TRIM33: variants seen among roughly 807,000 people sequenced by gnomAD.
The protein encoded by TRIM33 is E3 ubiquitin-protein ligase TRIM33.
Under a neutral mutation model 125.4 loss-of-function variants are expected in TRIM33, and 20 were observed. The ratio of observed to expected loss-of-function variants is 0.16; its 90% CI spans 0.11 to 0.23. The LOEUF (loss-of-function observed/expected upper bound fraction) is 0.23, where lower values mean the gene tolerates loss of function less well. Ranked by LOEUF, TRIM33 falls within the 10% of genes least tolerant of loss-of-function variation. The pLI, the probability that TRIM33 is intolerant of heterozygous loss-of-function variation, is 1.00. For missense variants in TRIM33, 920 were observed against 1,411.4 expected (o/e 0.65, Z 5.58); for synonymous variants, 564 against 513.9 (o/e 1.10, Z -1.32).
chr1:114,433,628 C>T lies in TRIM33; in HGVS notation c.1029G>A (p.Gln343=), dbSNP rs775641525. The T allele has an allele frequency of 1.9e-6, 3 of 1,605,818 alleles. No individual in the cohort carries two copies. In the South Asian group the frequency reaches 3.3e-5, roughly 18 times the overall value. The change falls in exon 5 of 20, where the codon CAG becomes CAA. Residue 343 remains glutamine, a synonymous_variant. Coordinates refer to ENST00000358465, the MANE Select transcript of TRIM33 (RefSeq NM_015906.4). ...KKNYVHFAAT[Q]VQNRIKEVNE... Reference sequence around the variant, plus strand: ...GGCAACAAACTTACCTATTCTGCACCTGAGTAGCTGCAAAATGAACATAAT... The same window carrying T: ...GGCAACAAACTTACCTATTCTGCACTTGAGTAGCTGCAAAATGAACATAAT...
chr1:114,463,039 G>A, intron 4 of TRIM33, 65 bp downstream of exon 4: 1 of 1,212,898 alleles, frequency 8.2e-7, no homozygotes, highest in Non-Finnish European at 1.1e-6. Flanking sequence ...TTTGCTTTAA[G>A]AAGAAGAATG....
chr1:114,468,409 A>T, intron 1 of TRIM33: 1 of 354,486 alleles, frequency 2.8e-6, no homozygotes. Flanking sequence ...GGGGATACCC[A>T]AACAGAGGAG....
intron 1 of TRIM33, chr1:114,468,720 G>A (rs770489203): frequency 4.9e-4 from 215 of 437,072 alleles, no homozygotes; most frequent in Middle Eastern, 7.7e-4. Flanking sequence ...GTTCCCAGAT[G>A]AGGATGAAAT....
intron 4 of TRIM33, among the ~76,000 whole-genome samples, chr1:114,446,963 C>T (rs1445230539): frequency 2.0e-5 from 3 of 152,060 alleles, no homozygotes; most frequent in Non-Finnish European, 4.4e-5. Flanking sequence ...ATTGCTTAAA[C>T]CCAGAAGGTT....
intron 10 of TRIM33, among the ~76,000 whole-genome samples, chr1:114,423,426 C>G (rs1307616088): frequency 6.6e-6 from 1 of 151,942 alleles, no homozygotes; most frequent in Non-Finnish European, 1.5e-5. Flanking sequence ...TAAAATAATG[C>G]AAAGGTTTTT....
intron 11 of TRIM33, among the ~76,000 whole-genome samples, chr1:114,414,601 T>C (rs778241819): frequency 6.6e-6 from 1 of 152,236 alleles, no homozygotes; most frequent in Non-Finnish European, 1.5e-5. Context: ...TGGGTTCTCC[T>C]GGTATATACT....
At chr1:114,506,653 A>G (rs1244807264) in intron 1 of TRIM33, among the ~76,000 whole-genome samples, 1 of 152,170 alleles carries the variant, frequency 6.6e-6, no homozygotes, top group Non-Finnish European at 1.5e-5. Context: ...ATTTTTATTG[A>G]TAAAGTATAA....
intron 4 of TRIM33, among the ~76,000 whole-genome samples, chr1:114,454,353 A>G (rs980779017): frequency 3.9e-5 from 6 of 152,166 alleles, no homozygotes; most frequent in Non-Finnish European, 5.9e-5. Flanking sequence ...ATTCCAGAGG[A>G]GTTGAACCAC....
intron 4 of TRIM33, among the ~76,000 whole-genome samples, chr1:114,454,482 T>A (rs1649512701): frequency 6.6e-6 from 1 of 151,810 alleles, no homozygotes; most frequent in South Asian, 2.1e-4. Flanking sequence ...GCCCAGGAGT[T>A]CAAGACCAGC....
chr1:114,491,728 C>T (rs1037298192), intron 1 of TRIM33, among the ~76,000 whole-genome samples: 3 of 152,036 alleles, frequency 2.0e-5, no homozygotes, highest in African/African-American at 7.2e-5. Context: ...CACTTGAGAC[C>T]AGGAGGCAAA....
At chr1:114,460,232 CAT>C (rs2101361545) in intron 4 of TRIM33, 1 of 208,556 alleles carries the variant, frequency 4.8e-6, no homozygotes, top group East Asian at 1.1e-4. Context: ...TTCACGCCAG[CAT>C]AGTGGTTATC....
At chr1:114,469,891 A>G (rs1270790860) in intron 1 of TRIM33, among the ~76,000 whole-genome samples, 5 of 152,270 alleles carry the variant, frequency 3.3e-5, no homozygotes, top group Non-Finnish European at 7.3e-5. Flanking sequence ...TACAGAAAGT[A>G]ACTGAAATAA....
Position 114,393,763 on chromosome 1 carries a change from T to C in TRIM33, c.*3885A>G, listed in dbSNP as rs932859503. 4.8e-6 allele frequency: 1 copy of C among 208,408 alleles called. No individual in the cohort carries two copies. Among genetic ancestry groups the C allele is most frequent in the Non-Finnish European group, 9.8e-6 (1 of 102,242 alleles). 12.9% of individuals were successfully genotyped at this position (208,408 alleles called of 1,614,324 possible). On this transcript the variant is annotated 3_prime_UTR_variant, in exon 20 of 20. Coordinates refer to ENST00000358465, the MANE Select transcript of TRIM33 (RefSeq NM_015906.4). ...CTTAAAAAAGTACCTTCAATTTTTT[T>C]ACTCAAACACTTACTTTTAAAAAAA...
At chr1:114,508,485 A>G (rs568131077) in intron 1 of TRIM33, among the ~76,000 whole-genome samples, 2 of 152,260 alleles carry the variant, frequency 1.3e-5, no homozygotes, top group African/African-American at 4.8e-5. Context: ...CTGAACACCT[A>G]CTAACAATTA....
chr1:114,402,667 G>C, intron 16 of TRIM33, 93 bp downstream of exon 16: 1 of 1,369,710 alleles, frequency 7.3e-7, no homozygotes, highest in Admixed American at 2.4e-5. Flanking sequence ...AATGTTATCA[G>C]GTTTTGTGTA....
chr1:114,420,501 T>C (rs1016116545), intron 11 of TRIM33: 12 of 940,138 alleles, frequency 1.3e-5, no homozygotes, highest in Non-Finnish European at 1.9e-5. Flanking sequence ...AAAAGTGATA[T>C]TAATCCACCA....
rs1406633231 is a variant in TRIM33 at position 114,395,692 on chromosome 1, G to T, written c.*1956C>A. ...TCCCTCTTATTAAAAAACATTTTTA[G>T]GAATTTAAAATTTGAGTAAAATGTT... On this transcript the variant is annotated 3_prime_UTR_variant, in exon 20 of 20. Transcript: ENST00000358465. The T allele has an allele frequency of 3.1e-5, 6 of 191,466 alleles. No individual in the cohort carries two copies. The highest frequency in any genetic ancestry group is 4.6e-5 in the African/African-American group (2 of 43,048). The allele number at this position is 191,466 out of a possible 1,614,324, so 11.9% of individuals were successfully genotyped here.
chr1:114,506,034 G>A (rs1036062350), intron 1 of TRIM33, among the ~76,000 whole-genome samples: 2 of 152,116 alleles, frequency 1.3e-5, no homozygotes, highest in African/African-American at 2.4e-5. Context: ...TCTTCGTATT[G>A]CAAGACCTGG....
intron 10 of TRIM33, 100 bp from the exon 11 acceptor site, chr1:114,421,736 CA>C: frequency 8.7e-7 from 1 of 1,145,712 alleles, no homozygotes; most frequent in Non-Finnish European, 1.3e-6. Flanking sequence ...ACAGAAGAAA[CA>C]AAGAAGTGGG....
Sources: gnomAD v4.1 joint callset for allele counts (sites outside exome capture counted in the v4.1 genomes callset) on GRCh38, gnomAD v4.1.1 for gene constraint, MANE v1.5 for transcripts, NCBI Gene and HGNC (gene_info 2026-07-23, HGNC 2026-07-21) for gene names.